DENND3: variants seen among roughly 807,000 people sequenced by gnomAD.
DENND3 encodes DENN domain containing 3.
In DENND3, 88 loss-of-function variants were observed where a neutral mutation model predicts 135.1. The observed-to-expected ratio is 0.65, with a 90% CI of 0.55 to 0.78. The LOEUF is 0.78. Among genes scored for constraint, DENND3 ranks in the 30% least tolerant of loss-of-function variants. The probability of loss-of-function intolerance (pLI) is 0.00; values close to 1 mark genes in which losing one functional copy is unlikely to be tolerated. For synonymous variants in DENND3, 693 were observed against 712.3 expected, an observed-to-expected ratio of 0.97 and a Z score of 0.43; for missense variants, 1,392 against 1,688.4, an observed-to-expected ratio of 0.82 and a Z score of 3.08.
chr8:141,166,203 C>T lies in DENND3; in HGVS notation c.1567C>T (p.Leu523Phe). The T allele has an allele frequency of 6.2e-7, 1 of 1,614,182 alleles. No homozygotes were observed. Among genetic ancestry groups the T allele is most frequent in the Non-Finnish European group, 8.5e-7 (1 of 1,180,024 alleles). ...TTCGTACCCCAGAATAAATGGAATG[C>T]TTCTAAGTCCAAGGAGACCGACCGT... ...QSEEDRINGM[L>F]LSPRRPTVEK... Residue 523 changes from leucine to phenylalanine, a missense_variant, in exon 12 of 23, where the codon CTT becomes TTT. Leu to Phe is a conservative substitution (Grantham distance 22, BLOSUM62 0). Transcript: ENST00000519811. The surrounding 1 kb of genome is among the most constrained non-coding windows in gnomAD (Gnocchi z 4.3).
intron 7 of DENND3, among the ~76,000 whole-genome samples, chr8:141,153,747 T>C (rs1374878224): frequency 2.6e-5 from 4 of 152,210 alleles, no homozygotes; most frequent in African/African-American, 9.7e-5. Context: ...GAAAATAAGC[T>C]GTGTTGTGAA....
chr8:141,176,882 C>A, intron 15 of DENND3, 121 bp downstream of exon 15: 1 of 1,133,402 alleles, frequency 8.8e-7, no homozygotes, highest in Non-Finnish European at 1.3e-6. Flanking sequence ...GTGTCTTAAG[C>A]AGAGTAAGTT....
At chr8:141,173,116 A>G (rs1589665657) in intron 13 of DENND3, among the ~76,000 whole-genome samples, 1 of 136,814 alleles carries the variant, frequency 7.3e-6, no homozygotes, top group African/African-American at 2.8e-5. Flanking sequence ...TTAGGTACAG[A>G]GTCAGGAGAG....
At chr8:141,177,993 T>G in intron 15 of DENND3, 74 bp from the exon 16 acceptor site, 1 of 1,522,760 alleles carries the variant, frequency 6.6e-7, no homozygotes, top group Non-Finnish European at 8.8e-7. Context: ...TTGTCCTGTG[T>G]GTTGCAACAA....
chr8:141,136,304 G>A (rs546552578), intron 1 of DENND3, among the ~76,000 whole-genome samples: 1 of 152,156 alleles, frequency 6.6e-6, no homozygotes, highest in East Asian at 1.9e-4. Context: ...CAGGCTCTGC[G>A]AGTCTACGTG....
In DENND3 at chr8:141,128,804, G is replaced by C. The variant is rs1815502049; in HGVS notation, c.97G>C (p.Glu33Gln). ...CCCCCGGGACAGTCTCCGAAGTCTC[G>C]AGCAGGTGAGGGGCGGGGAAACTGA... ...GAPRDSLRSL[E>Q]QVAYKKGVKH... is the part of the protein sequence containing the mutation. Residue 33 changes from glutamate (E) to glutamine (Q), a missense_variant, in exon 1 of 23, where the codon GAG (glutamate) becomes CAG (glutamine). Transcript: ENST00000519811. The surrounding 1 kb of genome is among the most constrained non-coding windows in gnomAD (Gnocchi z 4.5). 1.4e-6 allele frequency: 2 copies of C among 1,436,898 alleles called. No individual in the cohort carries two copies. The highest frequency in any genetic ancestry group is 1.4e-5 in the South Asian group (1 of 73,872). The allele number at this position is 1,436,898 out of a possible 1,614,324, so 89.0% of individuals were successfully genotyped here. A position where few individuals can be genotyped will look rare whatever the true frequency, so the allele number is the denominator to read the frequency against.
chr8:141,168,492 A>C lies in DENND3; in HGVS notation c.2242A>C (p.Ile748Leu). The C allele has an allele frequency of 6.2e-7, 1 of 1,612,716 alleles. No individual in the cohort carries two copies. The highest frequency in any genetic ancestry group is 8.5e-7 in the Non-Finnish European group (1 of 1,179,334). Reference sequence around the variant, plus strand: ...GTCAGGGATCGTGAAGGACGCCAGCATCATACACCGGCTGTTCGAGGCCTT... The same window carrying C: ...GTCAGGGATCGTGAAGGACGCCAGCCTCATACACCGGCTGTTCGAGGCCTT... ...QESGIVKDAS[I>L]IHRLFEALTV... Residue 748 changes from isoleucine (I) to leucine (L), a missense_variant, in exon 13 of 23, where the codon ATC (isoleucine) becomes CTC (leucine). Coordinates refer to ENST00000519811, the MANE Select transcript of DENND3 (RefSeq NM_001352890.3). This position sits in a 1 kb window ranked among gnomAD's most constrained non-coding sequence, Gnocchi z 6.2.
chr8:141,136,248 T>C (rs1253762795), intron 1 of DENND3, among the ~76,000 whole-genome samples: 1 of 152,154 alleles, frequency 6.6e-6, no homozygotes, highest in African/African-American at 2.4e-5. Flanking sequence ...CAGTGCTTTA[T>C]AGGAAGGAGG....
chr8:141,186,154 G>C (rs1823863779), intron 18 of DENND3, among the ~76,000 whole-genome samples: 2 of 152,032 alleles, frequency 1.3e-5, no homozygotes. Flanking sequence ...CCCAGGCTGG[G>C]AACGATGTCT....
intron 1 of DENND3, 49 bp from the exon 2 acceptor site, chr8:141,136,460 G>A (rs1022358663): frequency 7.4e-6 from 11 of 1,486,480 alleles, no homozygotes; most frequent in African/African-American, 2.8e-5. Context: ...GGATACCCTC[G>A]AACAAGAGCT....
intron 13 of DENND3, among the ~76,000 whole-genome samples, chr8:141,173,209 C>T (rs1462851526): frequency 6.6e-6 from 1 of 152,272 alleles, no homozygotes; most frequent in African/African-American, 2.4e-5. Context: ...CAGGCCCCGC[C>T]CACTGGGCCA....
chr8:141,155,818 CA>C (rs2154612994), intron 7 of DENND3, 30 bp from the exon 8 acceptor site: 1 of 1,548,522 alleles, frequency 6.5e-7, no homozygotes, highest in East Asian at 2.3e-5. Flanking sequence ...ATTCTTTTAT[CA>C]ATCTTTACAG....
chr8:141,180,585 C>T (rs932242533), intron 16 of DENND3, among the ~76,000 whole-genome samples, 162 bp from the exon 17 acceptor site: 2 of 152,174 alleles, frequency 1.3e-5, no homozygotes, highest in Non-Finnish European at 2.9e-5. Context: ...GGGTGCATGG[C>T]TTTCTTTCAG....
rs546390586 is a variant in DENND3 at position 141,181,398 on chromosome 8, T to G, written c.2944+544T>G. On this transcript the variant is annotated intron_variant, in intron 17 of 22. Transcript: ENST00000519811. ...AGCTCTTAATGGGATCCTCTTGTCA[T>G]GGTGATAAGGTGATGGCGCCTCAGA... is the stretch of plus-strand genomic sequence containing the variant. 1.2e-4 allele frequency among the ~76,000 whole-genome samples: 19 copies of G among 152,336 alleles called. No individual in the cohort carries two copies. The East Asian group carries it at 3.3e-3, about 26-fold the overall frequency.
intron 1 of DENND3, among the ~76,000 whole-genome samples, chr8:141,135,253 G>A (rs951362314): frequency 3.3e-5 from 5 of 151,880 alleles, no homozygotes; most frequent in African/African-American, 1.2e-4. Flanking sequence ...CTGGGCTCAG[G>A]CGATCTTCCT....
chr8:141,171,856 G>C (rs1465812633), intron 13 of DENND3, among the ~76,000 whole-genome samples: 2 of 148,342 alleles, frequency 1.3e-5, no homozygotes, highest in Non-Finnish European at 1.5e-5. Context: ...ACAGTGCCTA[G>C]ATGTGCACGC....
chr8:141,170,303 C>T (rs961715684), intron 13 of DENND3, among the ~76,000 whole-genome samples: 21 of 152,150 alleles, frequency 1.4e-4, no homozygotes, highest in African/African-American at 5.1e-4. Context: ...CTGCGGAATG[C>T]AGTTTCCTTG....
At position 141,141,525 on chromosome 8, in the gene DENND3, G is replaced by A. The variant is rs1817455534; in HGVS notation, c.623+201G>A. 6 of 608,420 alleles carry A rather than the reference G, an allele frequency of 9.9e-6. No individual in the cohort carries two copies. The highest frequency in any genetic ancestry group is 4.0e-5 in the South Asian group (2 of 49,750). The allele number at this position is 608,420 out of a possible 1,614,324, so 37.7% of individuals were successfully genotyped here. On this transcript the variant is annotated intron_variant, in intron 4 of 22. Coordinates refer to ENST00000519811, the MANE Select transcript of DENND3 (RefSeq NM_001352890.3). This position sits in a 1 kb window ranked among gnomAD's most constrained non-coding sequence, Gnocchi z 5.3. ...AGGCTGTTGCTTAAGGCTGGGGGCA[G>A]TGGGCAGGGGGTGTGGCAGCGGGCG...
chr8:141,179,833 A>C (rs144701468), intron 16 of DENND3, among the ~76,000 whole-genome samples: 141 of 152,308 alleles, frequency 9.3e-4, no homozygotes, highest in African/African-American at 3.3e-3. Flanking sequence ...TCAGGTTGCT[A>C]TGACAGTAAC....
Sources: allele counts gnomAD v4.1 joint callset (sites outside exome capture counted in the v4.1 genomes callset), GRCh38; gene constraint gnomAD v4.1.1; non-coding constraint Gnocchi (gnomAD v3.1); transcripts MANE v1.5; gene names NCBI Gene and HGNC (gene_info 2026-07-23, HGNC 2026-07-21).